Variants in ANKS1B observed in about 807,000 individuals in gnomAD.
ANKS1B encodes ankyrin repeat and sterile alpha motif domain-containing protein 1B.
Under a neutral mutation model 148.3 loss-of-function variants are expected in ANKS1B, and 36 were observed. The observed-to-expected ratio is 0.24, with a 90% CI of 0.19 to 0.32. ANKS1B has a LOEUF of 0.32. Ranked by LOEUF, ANKS1B falls within the 10% of genes least tolerant of loss-of-function variation. ANKS1B has a pLI of 1.00. For synonymous variants in ANKS1B, 542 were observed against 560.8 expected (o/e 0.97, Z 0.47); for missense variants, 1,157 against 1,542.6 (o/e 0.75, Z 4.19).
At chr12:98,766,009 T>TG (rs1218802132) in intron 25 of ANKS1B, among the ~76,000 whole-genome samples, 1 of 152,188 alleles carries the variant, frequency 6.6e-6, no homozygotes, top group African/African-American at 2.4e-5. Flanking sequence ...TATTTAGAAG[T>TG]GGGGGGTGCA....
chr12:99,388,365 C>T (rs2093951498), intron 12 of ANKS1B, among the ~76,000 whole-genome samples: 2 of 152,064 alleles, frequency 1.3e-5, no homozygotes, highest in South Asian at 4.1e-4. Flanking sequence ...TAGAAAATTG[C>T]ATAAGTGGTT....
intron 25 of ANKS1B, among the ~76,000 whole-genome samples, chr12:98,760,601 C>T (rs917495622): frequency 1.3e-5 from 2 of 152,214 alleles, no homozygotes; most frequent in African/African-American, 4.8e-5. Flanking sequence ...TCATGGCTCA[C>T]CTCTATGTGC....
chr12:99,909,178 T>C (rs1221732337), intron 1 of ANKS1B, among the ~76,000 whole-genome samples: 2 of 151,384 alleles, frequency 1.3e-5, no homozygotes, highest in African/African-American at 2.4e-5. Context: ...TTCTCTCAAA[T>C]AGCAAGATCT....
At chr12:99,147,853 CAAG>C (rs1323102023) in intron 15 of ANKS1B, among the ~76,000 whole-genome samples, 1 of 151,744 alleles carries the variant, frequency 6.6e-6, no homozygotes, top group African/African-American at 2.4e-5. Flanking sequence ...GAGTAAATAA[CAAG>C]GAGGAGTGGA....
intron 1 of ANKS1B, among the ~76,000 whole-genome samples, chr12:99,959,511 AAG>A (rs2095377932): frequency 6.6e-6 from 1 of 152,200 alleles, no homozygotes; most frequent in South Asian, 2.1e-4. Context: ...AAAATATGGA[AAG>A]ATGTCAACAC....
chr12:98,989,913 G>T (rs192703898), intron 17 of ANKS1B, among the ~76,000 whole-genome samples: 1 of 137,040 alleles, frequency 7.3e-6, no homozygotes, highest in Non-Finnish European at 1.6e-5. Flanking sequence ...AAGAAGGAAA[G>T]AAAGAAAGAA....
intron 8 of ANKS1B, among the ~76,000 whole-genome samples, chr12:99,731,003 C>G (rs1057029467): frequency 1.3e-5 from 2 of 152,162 alleles, no homozygotes; most frequent in African/African-American, 4.8e-5. Flanking sequence ...ATGTTGTTAT[C>G]TCCGCTCACT....
intron 17 of ANKS1B, among the ~76,000 whole-genome samples, chr12:99,013,004 C>T (rs2099940346): frequency 6.6e-6 from 1 of 152,124 alleles, no homozygotes; most frequent in Non-Finnish European, 1.5e-5. Flanking sequence ...TTTTAAAATA[C>T]TTGTGGAGTG....
rs79127877 is a variant in ANKS1B at position 99,387,063 on chromosome 12, A to G, written c.1756+12568T>C. 7.9e-3 allele frequency among the ~76,000 whole-genome samples: 1,210 copies of G among 152,324 alleles called. 15 individuals carry two copies. The highest frequency in any genetic ancestry group is 0.028 in the African/African-American group (1,151 of 41,580). ...CATGGTCCCTGCATTTAAGGAGCTCACAGACATGTAAATAATTTTGTGTAA... is the reference window on the plus strand; with the variant it reads ...CATGGTCCCTGCATTTAAGGAGCTCGCAGACATGTAAATAATTTTGTGTAA... On this transcript the variant is annotated intron_variant, in intron 12 of 26. Transcript: ENST00000683438.
chr12:99,115,664 C>T (rs1184214314), intron 15 of ANKS1B, among the ~76,000 whole-genome samples: 5 of 152,122 alleles, frequency 3.3e-5, no homozygotes, highest in Non-Finnish European at 1.5e-5. Flanking sequence ...GGTGCAGTGG[C>T]TCACACCTGT....
At chr12:99,293,042 A>G (rs2080262361) in intron 12 of ANKS1B, among the ~76,000 whole-genome samples, 1 of 152,196 alleles carries the variant, frequency 6.6e-6, no homozygotes, top group South Asian at 2.1e-4. Flanking sequence ...CTATAAAGAC[A>G]CATGCACACA....
At chr12:98,740,736 A>G (rs1270584983), downstream of ANKS1B, among the ~76,000 whole-genome samples, 1 of 152,160 alleles carries the variant, frequency 6.6e-6, no homozygotes, top group African/African-American at 2.4e-5. Flanking sequence ...CTCAGCTAAA[A>G]CTAACAATTG....
chr12:99,790,433 A>C (rs1346815163), intron 4 of ANKS1B, among the ~76,000 whole-genome samples: 2 of 152,144 alleles, frequency 1.3e-5, no homozygotes, highest in African/African-American at 4.8e-5. Flanking sequence ...AAGGTGCAAA[A>C]CTCACTGGTA....
chr12:99,624,922 TC>T (rs1354405310), intron 9 of ANKS1B, among the ~76,000 whole-genome samples: 1 of 152,016 alleles, frequency 6.6e-6, no homozygotes, highest in Non-Finnish European at 1.5e-5. Flanking sequence ...AATAAATTGC[TC>T]GACCAAAAAG....
chr12:99,116,125 G>A (rs1262883273), intron 15 of ANKS1B, among the ~76,000 whole-genome samples: 1 of 152,060 alleles, frequency 6.6e-6, no homozygotes, highest in African/African-American at 2.4e-5. Context: ...TGAATTTTAT[G>A]TGCGTAAAGT....
rs550700408 is a variant in ANKS1B, at chr12:99,296,103, TATTC to T, written c.1757-49243_1757-49240del. Among the ~76,000 whole-genome samples, 601 of 152,326 alleles carry T rather than the reference TATTC, an allele frequency of 3.9e-3. 4 individuals are homozygous for T. The highest frequency in any genetic ancestry group is 0.014 in the African/African-American group (580 of 41,576). On this transcript the variant is annotated intron_variant, in intron 12 of 26. Transcript: ENST00000683438. ...AAAATTTGTGGAAAAGACTTTCCTT[TATTC>T]ATTGAGTCAAACCTTTGTTAAAAAT...
chr12:99,503,405 A>C (rs1944935452), intron 10 of ANKS1B, among the ~76,000 whole-genome samples: 1 of 152,130 alleles, frequency 6.6e-6, no homozygotes, highest in Non-Finnish European at 1.5e-5. Context: ...TCTTCTCGCT[A>C]CTCTGTGGGG....
intron 8 of ANKS1B, among the ~76,000 whole-genome samples, chr12:99,727,213 G>A (rs924067349): frequency 6.6e-6 from 1 of 151,960 alleles, no homozygotes; most frequent in African/African-American, 2.4e-5. Flanking sequence ...CCTTTTTGCA[G>A]ATGACATGAT....
Position 98,772,923 on chromosome 12 carries a change from T to G in ANKS1B, c.3579+119A>C, listed in dbSNP as rs1593250497. The G allele has an allele frequency of 9.1e-6, 10 of 1,099,166 alleles. No homozygotes were observed. In the African/African-American group the frequency reaches 1.1e-4, roughly 12 times the overall value. The allele number at this position is 1,099,166 out of a possible 1,614,324, so 68.1% of individuals were successfully genotyped here. Reference sequence around the variant, plus strand: ...CCCTAGCAAACAAATACACTTGGTATGTATCTTAATACCGGGTAAACAAGC... The same window carrying G: ...CCCTAGCAAACAAATACACTTGGTAGGTATCTTAATACCGGGTAAACAAGC... On this transcript the variant is annotated intron_variant, in intron 25 of 26. Transcript: ENST00000683438.
Sources: allele counts gnomAD v4.1 joint callset (sites outside exome capture counted in the v4.1 genomes callset), GRCh38; gene constraint gnomAD v4.1.1; transcripts MANE v1.5; gene names NCBI Gene and HGNC (gene_info 2026-07-23, HGNC 2026-07-21).